DENND6A: variants seen among roughly 807,000 people sequenced by gnomAD.
DENND6A encodes the protein protein DENND6A.
DENND6A carries 43 observed loss-of-function variants against 95.5 expected under a neutral mutation model. The ratio of observed to expected loss-of-function variants is 0.45; its 90% confidence interval spans 0.35 to 0.58. DENND6A has a LOEUF of 0.58. DENND6A is among the 20% of genes least tolerant of loss of function. The pLI, the probability that DENND6A is intolerant of heterozygous loss-of-function variation, is 0.00. For synonymous variants in DENND6A, 257 were observed against 260.4 expected, an observed-to-expected ratio of 0.99 and a Z score of 0.13; for missense variants, 574 against 736.0, an observed-to-expected ratio of 0.78 and a Z score of 2.55.
At chr3:57,666,444 T>A (rs2071525699) in intron 3 of DENND6A, among the ~76,000 whole-genome samples, 1 of 152,196 alleles carries the variant, frequency 6.6e-6, no homozygotes, top group Admixed American at 6.5e-5. Flanking sequence ...AAAACATGCA[T>A]CTTAACTCCT....
intron 3 of DENND6A, among the ~76,000 whole-genome samples, chr3:57,667,860 G>C (rs527915624): frequency 2.3e-4 from 35 of 152,252 alleles, no homozygotes; most frequent in African/African-American, 8.4e-4. Flanking sequence ...GAGGTCAGGA[G>C]TTTGAGACCA....
chr3:57,645,518 A>G, intron 11 of DENND6A, 143 bp downstream of exon 11: 1 of 535,682 alleles, frequency 1.9e-6, no homozygotes, highest in South Asian at 2.8e-5. Flanking sequence ...ACTAACTCTT[A>G]AAATCTAAAA....
chr3:57,650,587 A>G (rs1175305311), intron 9 of DENND6A, among the ~76,000 whole-genome samples: 3 of 152,172 alleles, frequency 2.0e-5, no homozygotes, highest in Non-Finnish European at 4.4e-5. Flanking sequence ...AAGGCTTTTT[A>G]GAGAAATGGC....
rs192265817 is a variant in DENND6A, at chr3:57,650,757, T to C, written c.819-4319A>G. On this transcript the variant is annotated intron_variant, in intron 9 of 19. Coordinates refer to ENST00000311128, the MANE Select transcript of DENND6A (RefSeq NM_152678.3). ...AAACCTGCATCAAAAGGTGAATGGA[T>C]AGACAAAATGTAGTATATCCACATG... Among the ~76,000 whole-genome samples, 214 of 151,512 alleles carry C rather than the reference T, an allele frequency of 1.4e-3. 6 individuals carry two copies. The highest frequency in any genetic ancestry group is 0.014 in the Admixed American group (211 of 15,192).
chr3:57,680,490 A>G (rs988801402), intron 1 of DENND6A, among the ~76,000 whole-genome samples: 3 of 152,186 alleles, frequency 2.0e-5, no homozygotes, highest in Non-Finnish European at 2.9e-5. Flanking sequence ...GGTGCCATCT[A>G]TGAATCAGAA....
chr3:57,630,397 T>A, intron 18 of DENND6A, 24 bp downstream of exon 18: 1 of 1,554,560 alleles, frequency 6.4e-7, no homozygotes, highest in Non-Finnish European at 8.7e-7. Flanking sequence ...TGTTAATCAT[T>A]ACACAAACAC....
intron 18 of DENND6A, 41 bp downstream of exon 18, chr3:57,630,380 C>T: frequency 1.3e-6 from 2 of 1,494,874 alleles, no homozygotes; most frequent in Non-Finnish European, 9.0e-7. Context: ...TCTTTATTTT[C>T]AACAGTTGTT....
chr3:57,650,866 C>A (rs1385988063), intron 9 of DENND6A, among the ~76,000 whole-genome samples: 1 of 149,486 alleles, frequency 6.7e-6, no homozygotes, highest in Non-Finnish European at 1.5e-5. Flanking sequence ...CTCACCACAA[C>A]CTCCGCCTCC....
chr3:57,628,206 G>T lies in DENND6A; in HGVS notation c.*8C>A. On this transcript the variant is annotated 3_prime_UTR_variant, in exon 20 of 20. Transcript: ENST00000311128. ...TAATCCTTTTTGGCTGGAAAATCTT[G>T]GCAAATATCATGTCATGCCCGTTTT... 1 of 1,609,330 alleles carries T rather than the reference G, an allele frequency of 6.2e-7. No homozygotes were observed.
chr3:57,629,507 CTTTTTT>C (rs1165802821), intron 18 of DENND6A, among the ~76,000 whole-genome samples: 1 of 98,228 alleles, frequency 1.0e-5, no homozygotes, highest in Non-Finnish European at 2.0e-5. Flanking sequence ...AATCAGTCCG[CTTTTTT>C]TTTTTTTTTT....
At chr3:57,673,016 A>C (rs1250829546) in intron 1 of DENND6A, among the ~76,000 whole-genome samples, 1 of 151,696 alleles carries the variant, frequency 6.6e-6, no homozygotes, top group Non-Finnish European at 1.5e-5. Flanking sequence ...AGAGTTCAAT[A>C]CCAGCCTGGT....
chr3:57,628,211 A>G lies in DENND6A; in HGVS notation c.*3T>C, dbSNP rs768049711. The G allele has an allele frequency of 1.6e-5, 25 of 1,610,332 alleles. No homozygotes were observed. Among genetic ancestry groups the G allele is most frequent in the Admixed American group, 6.8e-5 (4 of 59,028 alleles). On this transcript the variant is annotated 3_prime_UTR_variant, in exon 20 of 20. Coordinates refer to ENST00000311128, the MANE Select transcript of DENND6A (RefSeq NM_152678.3). Reference sequence around the variant, plus strand: ...CTTTTTGGCTGGAAAATCTTGGCAAATATCATGTCATGCCCGTTTTGAGCA... The same window carrying G: ...CTTTTTGGCTGGAAAATCTTGGCAAGTATCATGTCATGCCCGTTTTGAGCA...
rs1559804717 is a variant in DENND6A at position 57,634,612 on chromosome 3, A to C, written c.1209T>G (p.Thr403=). ...CTCTATTTAAATATGGCTTATATGAAGTATAAACTCCTAAGAGCAAAGAAA... is the reference window on the plus strand; with the variant it reads ...CTCTATTTAAATATGGCTTATATGACGTATAAACTCCTAAGAGCAAAGAAA... The part of the protein sequence containing the change: ...KTLDSKPGVY[T]SYKPYLNRDE... The change falls in exon 14 of 20, where the codon ACT becomes ACG. Residue 403 remains threonine, a synonymous_variant. Transcript: ENST00000311128. The C allele has an allele frequency of 6.8e-7, 1 of 1,479,570 alleles. No individual in the cohort carries two copies. 91.7% of individuals were successfully genotyped at this position (1,479,570 alleles called of 1,614,324 possible).
chr3:57,659,942 A>G (rs1197186311), intron 7 of DENND6A, among the ~76,000 whole-genome samples: 1 of 152,220 alleles, frequency 6.6e-6, no homozygotes, highest in East Asian at 1.9e-4. Context: ...AGGGCCATGG[A>G]ATTGCAGAAC....
At chr3:57,633,050 T>C (rs780905499) in intron 15 of DENND6A, among the ~76,000 whole-genome samples, 4 of 152,054 alleles carry the variant, frequency 2.6e-5, no homozygotes, top group South Asian at 4.1e-4. Context: ...GGTGAGAAAA[T>C]TGAGGGTCAG....
intron 3 of DENND6A, among the ~76,000 whole-genome samples, chr3:57,667,175 C>T (rs572192830): frequency 6.6e-5 from 10 of 152,150 alleles, no homozygotes; most frequent in Admixed American, 4.6e-4. Flanking sequence ...ATTACAGGTG[C>T]GTGCCACCAC....
At chr3:57,657,816 A>G (rs1243690141) in intron 8 of DENND6A, 81 bp from the exon 9 acceptor site, 15 of 836,932 alleles carry the variant, frequency 1.8e-5, no homozygotes, top group Non-Finnish European at 2.5e-5. Flanking sequence ...CTCATGATCA[A>G]TAAGCCATGC....
intron 5 of DENND6A, among the ~76,000 whole-genome samples, chr3:57,663,184 A>G (rs1243916235): frequency 1.3e-5 from 2 of 149,472 alleles, no homozygotes; most frequent in African/African-American, 4.9e-5. Context: ...ATCTATATAT[A>G]AGCCAGGTGC....
chr3:57,662,605 T>C (rs1307960987), intron 5 of DENND6A, among the ~76,000 whole-genome samples: 1 of 152,066 alleles, frequency 6.6e-6, no homozygotes, highest in Non-Finnish European at 1.5e-5. Context: ...AAAAATATAA[T>C]AGTTCAGGCG....
Sources: allele counts gnomAD v4.1 joint callset (sites outside exome capture counted in the v4.1 genomes callset), GRCh38; gene constraint gnomAD v4.1.1; transcripts MANE v1.5; gene names NCBI Gene and HGNC (gene_info 2026-07-23, HGNC 2026-07-21).